The following ANKRD44 variants were observed in gnomAD, a reference collection of about 807,000 sequenced individuals.
ANKRD44 encodes the protein serine/threonine-protein phosphatase 6 regulatory ankyrin repeat subunit B.
Under a neutral mutation model 116.0 loss-of-function variants are expected in ANKRD44, and 35 were observed. The observed-to-expected ratio is 0.30, with a 90% CI of 0.23 to 0.40. ANKRD44 has a LOEUF of 0.40. ANKRD44 is among the 10% of genes least tolerant of loss of function. ANKRD44 has a pLI of 1.00. For synonymous variants in ANKRD44, 435 were observed against 461.8 expected, an observed-to-expected ratio of 0.94 and a Z score of 0.74; for missense variants, 1,014 against 1,242.6, an observed-to-expected ratio of 0.82 and a Z score of 2.77.
intron 1 of ANKRD44, among the ~76,000 whole-genome samples, chr2:197,280,366 T>C (rs1337814779): frequency 6.6e-6 from 1 of 152,248 alleles, no homozygotes; most frequent in Non-Finnish European, 1.5e-5. Context: ...GTCGGGAAAC[T>C]GCTCGTAACA....
At chr2:197,043,097 C>T (rs1464332285) in intron 16 of ANKRD44, among the ~76,000 whole-genome samples, 2 of 152,198 alleles carry the variant, frequency 1.3e-5, no homozygotes, top group Non-Finnish European at 2.9e-5. Context: ...AACGTCCTCA[C>T]GATTCTCACC....
chr2:197,183,495 T>C (rs966395987), intron 2 of ANKRD44, among the ~76,000 whole-genome samples: 1 of 152,178 alleles, frequency 6.6e-6, no homozygotes, highest in Non-Finnish European at 1.5e-5. Flanking sequence ...TCCATCTGTC[T>C]ATGCCTTTTC....
At chr2:197,245,311 A>T (rs1029392732) in intron 1 of ANKRD44, among the ~76,000 whole-genome samples, 5 of 152,210 alleles carry the variant, frequency 3.3e-5, no homozygotes, top group Non-Finnish European at 7.3e-5. Flanking sequence ...CGGTTTACAT[A>T]GCATTTACAT....
chr2:197,103,661 T>C (rs905587609), intron 9 of ANKRD44, among the ~76,000 whole-genome samples: 3 of 152,208 alleles, frequency 2.0e-5, no homozygotes, highest in Non-Finnish European at 2.9e-5. Flanking sequence ...GTGTGATACA[T>C]TTCTTTTAAG....
intron 1 of ANKRD44, among the ~76,000 whole-genome samples, chr2:197,299,222 G>A (rs1268465213): frequency 6.6e-6 from 1 of 151,246 alleles, no homozygotes; most frequent in East Asian, 1.9e-4. Flanking sequence ...AAATAAATGA[G>A]GTCTGTTTTT....
chr2:197,153,997 TGAA>T (rs2079733919), intron 2 of ANKRD44, among the ~76,000 whole-genome samples: 1 of 152,142 alleles, frequency 6.6e-6, no homozygotes, highest in Admixed American at 6.5e-5. Flanking sequence ...AGAATTTCTC[TGAA>T]GTAGATACCC....
intron 14 of ANKRD44, 97 bp downstream of exon 14, chr2:197,083,272 T>G: frequency 6.9e-7 from 1 of 1,458,418 alleles, no homozygotes; most frequent in East Asian, 2.4e-5. Flanking sequence ...TTAGTCTAAC[T>G]CTTTTTCCAT....
chr2:197,234,075 G>C (rs1346914715), intron 1 of ANKRD44, among the ~76,000 whole-genome samples: 2 of 152,132 alleles, frequency 1.3e-5, no homozygotes, highest in Non-Finnish European at 1.5e-5. Flanking sequence ...AAATTATACA[G>C]AGTAAACCAG....
intron 17 of ANKRD44, among the ~76,000 whole-genome samples, chr2:197,017,244 C>T (rs933783325): frequency 1.1e-4 from 17 of 151,962 alleles, no homozygotes; most frequent in African/African-American, 3.9e-4. Flanking sequence ...CATTTATATA[C>T]AAAGCAAATA....
In ANKRD44 at chr2:196,987,365, C is replaced by A. The variant is rs983990999; in HGVS notation, c.*2226G>T. ...GGTATCATATTGCTCTGATAACACT[C>A]AAATGAAAAAATACAAAACATTCCA... is the stretch of plus-strand genomic sequence containing the variant. On this transcript the variant is annotated 3_prime_UTR_variant, in exon 28 of 28. Coordinates refer to ENST00000282272, the MANE Select transcript of ANKRD44 (RefSeq NM_001195144.2). 3.0e-6 allele frequency: 3 copies of A among 984,828 alleles called. No individual in the cohort carries two copies. In the African/African-American group the frequency reaches 5.2e-5, roughly 17 times the overall value. 61.0% of individuals were successfully genotyped at this position (984,828 alleles called of 1,614,324 possible).
intron 4 of ANKRD44, among the ~76,000 whole-genome samples, chr2:197,127,466 A>C (rs2079001881): frequency 6.6e-6 from 1 of 152,138 alleles, no homozygotes; most frequent in Admixed American, 6.5e-5. Context: ...CAAGGGAGTA[A>C]TTTGATGGCT....
chr2:197,110,793 T>C lies in ANKRD44; in HGVS notation c.958A>G (p.Thr320Ala). The C allele has an allele frequency of 1.2e-6, 2 of 1,614,056 alleles. No individual in the cohort carries two copies. Among genetic ancestry groups the C allele is most frequent in the Non-Finnish European group, 1.7e-6 (2 of 1,179,942 alleles). Residue 320 changes from threonine (T) to alanine (A), a missense_variant, in exon 9 of 28, where the codon ACA becomes GCA. Physicochemically the swap from Thr to Ala is moderately conservative, Grantham distance 58. Transcript: ENST00000282272. ...TTCTGAATGAGGGTCTGTGACCGTG[T>C]GAACCTTCCATGGACAGCTGTCATG... ...LHMTAVHGRF[T>A]RSQTLIQNGG...
chr2:197,015,911 G>C (rs975712330), intron 17 of ANKRD44: 7 of 527,062 alleles, frequency 1.3e-5, no homozygotes, highest in Non-Finnish European at 2.6e-5. Context: ...TCAAATTTTG[G>C]ATCCATGAAA....
rs370601382 is a variant in ANKRD44, at chr2:196,988,615, CA to C, written c.*975del. 205 of 984,702 alleles carry C rather than the reference CA, an allele frequency of 2.1e-4. 2 individuals carry two copies. In the East Asian group the frequency reaches 0.015, roughly 71 times the overall value. The allele number at this position is 984,702 out of a possible 1,614,324, so 61.0% of individuals were successfully genotyped here. On this transcript the variant is annotated 3_prime_UTR_variant, in exon 28 of 28. Transcript: ENST00000282272. Reference sequence around the variant, plus strand: ...ATAATACAGTTATCTGTCTTTGATCCAGATATGATAGAACATTATTTTTGAA... The same window carrying C: ...ATAATACAGTTATCTGTCTTTGATCCGATATGATAGAACATTATTTTTGAA...
intron 27 of ANKRD44, among the ~76,000 whole-genome samples, chr2:196,991,363 T>C (rs1034401502): frequency 6.6e-6 from 1 of 152,172 alleles, no homozygotes; most frequent in African/African-American, 2.4e-5. Context: ...CTGAGAACAA[T>C]GACTTTCCAT....
At chr2:197,137,931 T>C (rs1304864871) in intron 3 of ANKRD44, among the ~76,000 whole-genome samples, 1 of 152,134 alleles carries the variant, frequency 6.6e-6, no homozygotes, top group African/African-American at 2.4e-5. Context: ...CAAAAATCAA[T>C]AGGCATCTCT....
chr2:197,272,234 T>C (rs1223289881), intron 1 of ANKRD44, among the ~76,000 whole-genome samples: 1 of 152,074 alleles, frequency 6.6e-6, no homozygotes, highest in East Asian at 1.9e-4. Flanking sequence ...TTGTTTGGTA[T>C]TTTGTTTTTG....
chr2:197,247,699 C>G (rs569489984), intron 1 of ANKRD44, among the ~76,000 whole-genome samples: 1 of 152,276 alleles, frequency 6.6e-6, no homozygotes, highest in Non-Finnish European at 1.5e-5. Flanking sequence ...TGGGAACACC[C>G]AAAACCACAC....
In ANKRD44 at chr2:197,078,947, A is replaced by G. The variant is rs997168551; in HGVS notation, c.1539-133T>C. The G allele has an allele frequency of 8.1e-6, 6 of 737,548 alleles. No individual in the cohort carries two copies. The African/African-American group carries it at 9.1e-5, about 11-fold the overall frequency. The allele number at this position is 737,548 out of a possible 1,614,324, so 45.7% of individuals were successfully genotyped here. On this transcript the variant is annotated intron_variant, in intron 15 of 27. Transcript: ENST00000282272. ...TTGTTTCTTTAAAAATCCTACAGCA[A>G]TGAAGTTTTATGTGTTGAAAATTGT... is the stretch of plus-strand genomic sequence containing the variant.
Sources: allele counts gnomAD v4.1 joint callset (sites outside exome capture counted in the v4.1 genomes callset), GRCh38; gene constraint gnomAD v4.1.1; transcripts MANE v1.5; gene names NCBI Gene and HGNC (gene_info 2026-07-23, HGNC 2026-07-21).